Variants in PLA2G3 observed in about 807,000 individuals in gnomAD.
PLA2G3 encodes group 3 secretory phospholipase A2.
A neutral mutation model predicts 51.3 loss-of-function variants in PLA2G3; 39 were observed. The observed-to-expected ratio is 0.76, with a 90% confidence interval of 0.59 to 0.99. PLA2G3 has a LOEUF of 0.99. Among genes scored for constraint, PLA2G3 ranks in the 50% least tolerant of loss-of-function variants. The pLI is 0.00. For synonymous variants in PLA2G3, 293 were observed against 263.1 expected, an observed-to-expected ratio of 1.11 and a Z score of -1.10; for missense variants, 677 against 662.1, an observed-to-expected ratio of 1.02 and a Z score of -0.25.
rs1206521575 is a variant in PLA2G3 at position 31,138,767 on chromosome 22, C to T, written c.547G>A (p.Glu183Lys). ...ATGTTCTGTGGGCAGCGGTCATGTT[C>T]CCGGCAACAGAGATCAGGTCCCTGG... The part of the protein sequence containing the change: ...VFQGPDLCCR[E>K]HDRCPQNISP... The change falls in exon 2 of 7, where the codon GAA (glutamate) becomes AAA (lysine). Residue 183 changes from glutamate to lysine, a missense_variant. Glu to Lys is a moderately conservative substitution (Grantham distance 56). Coordinates refer to ENST00000215885, the MANE Select transcript of PLA2G3 (RefSeq NM_015715.5). 1 of 1,614,054 alleles carries T rather than the reference C, an allele frequency of 6.2e-7. No homozygotes were observed. The highest frequency in any genetic ancestry group is 8.5e-7 in the Non-Finnish European group (1 of 1,179,994).
In PLA2G3 at chr22:31,140,348, C is replaced by T. The variant is rs747309168; in HGVS notation, c.7G>A (p.Val3Ile). The change falls in exon 1 of 7, where the codon GTT (valine) becomes ATT (isoleucine). Residue 3 changes from valine to isoleucine, a missense_variant. Coordinates refer to ENST00000215885, the MANE Select transcript of PLA2G3 (RefSeq NM_015715.5). Reference sequence around the variant, plus strand: ...AGCATCCCAAACAGCCCTGCCTGAACCCCCATTCTGCACTGGCCCAGTCCA... The same window carrying T: ...AGCATCCCAAACAGCCCTGCCTGAATCCCCATTCTGCACTGGCCCAGTCCA... MG[V>I]QAGLFGMLGF... 3 of 1,594,636 alleles carry T rather than the reference C, an allele frequency of 1.9e-6. No individual in the cohort carries two copies. The highest frequency in any genetic ancestry group is 1.1e-5 in the South Asian group (1 of 89,212).
chr22:31,136,541 G>T, intron 6 of PLA2G3, 142 bp downstream of exon 6: 1 of 680,218 alleles, frequency 1.5e-6, no homozygotes. Context: ...GGCAGCAGGG[G>T]GTAGAGGGAT....
At chr22:31,136,623 G>T (rs200145614) in intron 6 of PLA2G3, 60 bp downstream of exon 6, 355 of 1,393,896 alleles carry the variant, frequency 2.5e-4, no homozygotes, top group East Asian at 1.3e-3. Flanking sequence ...TTCAAAGTGG[G>T]TATAGGCAAC....
Position 31,135,730 on chromosome 22 carries a change from C to T in PLA2G3, c.1523G>A (p.Ser508Asn), listed in dbSNP as rs1377371968. The T allele has an allele frequency of 1.2e-6, 2 of 1,613,040 alleles. No homozygotes were observed. Among genetic ancestry groups the T allele is most frequent in the Admixed American group, 1.7e-5 (1 of 60,030 alleles). Residue 508 changes from serine (S) to asparagine (N), a missense_variant, in exon 7 of 7, where the codon AGC becomes AAC. Transcript: ENST00000215885. ...GGAAAGCTGAAACTGAGGTCACTGGCTCCAGGACTTCTGCTGCCTGTCGGG... is the reference window on the plus strand; with the variant it reads ...GGAAAGCTGAAACTGAGGTCACTGGTTCCAGGACTTCTGCTGCCTGTCGGG... ...RRPDRQQKSW[S>N]Q
intron 1 of PLA2G3, among the ~76,000 whole-genome samples, chr22:31,139,607 T>C (rs916478042): frequency 6.6e-6 from 1 of 152,104 alleles, no homozygotes; most frequent in East Asian, 1.9e-4. Context: ...GTCCCTCGGA[T>C]GGCATTTAAT....
Position 31,135,650 on chromosome 22 carries a change from G to T in PLA2G3, c.*73C>A. ...GCTTCAGTCTAACCTACGGAGGGGA[G>T]GCTGAGATTCCCAAGGCTTGGCATA... On this transcript the variant is annotated 3_prime_UTR_variant, in exon 7 of 7. Coordinates refer to ENST00000215885, the MANE Select transcript of PLA2G3 (RefSeq NM_015715.5). 1 of 1,143,512 alleles carries T rather than the reference G, an allele frequency of 8.7e-7. No homozygotes were observed. Among genetic ancestry groups the T allele is most frequent in the Non-Finnish European group, 1.3e-6 (1 of 762,458 alleles). 70.8% of individuals were successfully genotyped at this position (1,143,512 alleles called of 1,614,324 possible).
At chr22:31,138,949 TC>T (rs1381916863) in intron 1 of PLA2G3, 150 bp from the exon 2 acceptor site, 1 of 681,716 alleles carries the variant, frequency 1.5e-6, no homozygotes, top group East Asian at 2.8e-5. Context: ...CCAGTCACTC[TC>T]CCTTCTGTGG....
At position 31,136,958 on chromosome 22, in the gene PLA2G3, C is replaced by G. The variant is rs780561467; in HGVS notation, c.1149G>C (p.Gln383His). 4 of 1,593,660 alleles carry G rather than the reference C, an allele frequency of 2.5e-6. No individual in the cohort carries two copies. Among genetic ancestry groups the G allele is most frequent in the Non-Finnish European group, 3.4e-6 (4 of 1,170,766 alleles). The change falls in exon 5 of 7, where the codon CAG (glutamine) becomes CAC (histidine). Residue 383 changes from glutamine to histidine, a missense_variant. By Grantham distance (24) the Gln-to-His change is conservative. Transcript: ENST00000215885. ...HQIGPREIEFQLLNSAQEPLF... is the reference protein window; with the variant it reads ...HQIGPREIEFHLLNSAQEPLF... The stretch of plus-strand genomic sequence containing the variant: ...GGGGCTCTTGGGCGCTGTTGAGCAG[C>G]TGGAACTCGATTTCCCGGGGCCCAA...
At chr22:31,137,540 C>T (rs1922646497) in intron 4 of PLA2G3, among the ~76,000 whole-genome samples, 170 bp downstream of exon 4, 1 of 152,112 alleles carries the variant, frequency 6.6e-6, no homozygotes, top group Admixed American at 6.6e-5. Flanking sequence ...CTGATGTGGT[C>T]AAATTCGTGG....
intron 4 of PLA2G3, among the ~76,000 whole-genome samples, 163 bp from the exon 5 acceptor site, chr22:31,137,203 G>A (rs1286720219): frequency 6.6e-6 from 1 of 152,204 alleles, no homozygotes; most frequent in Admixed American, 6.5e-5. Flanking sequence ...TGCCGCCCTT[G>A]TGGCAGTGCC....
At chr22:31,138,852 T>G (rs1025867850) in intron 1 of PLA2G3, 53 bp from the exon 2 acceptor site, 46 of 1,594,498 alleles carry the variant, frequency 2.9e-5, no homozygotes, top group Non-Finnish European at 3.8e-5. Context: ...CTAGGCATCA[T>G]GCACCAGCTA....
rs901886649 is a variant in PLA2G3, at chr22:31,137,095, A to G, written c.1067-55T>C. ...CCCAATCCACCAGGGAGGCCCCACC[A>G]ATGCCTGCGCCATCCGGGAGAAACA... is the stretch of plus-strand genomic sequence containing the variant. On this transcript the variant is annotated intron_variant, in intron 4 of 6. Coordinates refer to ENST00000215885, the MANE Select transcript of PLA2G3 (RefSeq NM_015715.5). The G allele has an allele frequency of 1.3e-5, 19 of 1,451,490 alleles. No individual in the cohort carries two copies. The African/African-American group carries it at 2.3e-4, about 18-fold the overall frequency. 89.9% of individuals were successfully genotyped at this position (1,451,490 alleles called of 1,614,324 possible). A position where few individuals can be genotyped will look rare whatever the true frequency, so the allele number is the denominator to read the frequency against.
chr22:31,138,884 G>T, intron 1 of PLA2G3, 85 bp from the exon 2 acceptor site: 1 of 1,399,910 alleles, frequency 7.1e-7, no homozygotes. Flanking sequence ...TAGGAAGAGG[G>T]CAGAGACCTG....
In PLA2G3 at chr22:31,137,908, G is replaced by A. The variant is rs1282190769; in HGVS notation, c.868C>T (p.Pro290Ser). 1 of 1,613,498 alleles carries A rather than the reference G, an allele frequency of 6.2e-7. No homozygotes were observed. Among genetic ancestry groups the A allele is most frequent in the Non-Finnish European group, 8.5e-7 (1 of 1,179,816 alleles). The change falls in exon 4 of 7, where the codon CCA (proline) becomes TCA (serine). Residue 290 changes from proline (P) to serine (S), a missense_variant. Physicochemically the swap from Pro to Ser is moderately conservative, Grantham distance 74. Transcript: ENST00000215885. The stretch of plus-strand genomic sequence containing the variant: ...GCTGGGCTCCGGGAGCTGGGAGTTG[G>A]GGAGGTGGCCCGGGAGCTCCAGGAG... ...NASWSSRATS[P>S]TPSSRSPAPP...
Position 31,138,281 on chromosome 22 carries a change from C to T in PLA2G3, c.777G>A (p.Trp259Ter). The change falls in exon 3 of 7, where the codon TGG becomes TGA. Residue 259 changes from tryptophan (W) to a stop codon, truncating the protein, a stop_gained. Coordinates refer to ENST00000215885, the MANE Select transcript of PLA2G3 (RefSeq NM_015715.5). LOFTEE classifies it high-confidence loss of function. ...ATGAGGGGGTGGCCACGTACCCGCC[C>T]CACCAGTACCACGCCACACACGCCT... ...EQEACVAWYW[W>*]GGCRMYGTVP... is the part of the protein sequence containing the mutation. 6.2e-7 allele frequency: 1 copy of T among 1,613,662 alleles called. No individual in the cohort carries two copies. Among genetic ancestry groups the T allele is most frequent in the Non-Finnish European group, 8.5e-7 (1 of 1,179,904 alleles).
intron 1 of PLA2G3, 84 bp downstream of exon 1, chr22:31,139,757 C>T (rs763764651): frequency 2.9e-5 from 27 of 919,450 alleles, no homozygotes; most frequent in Non-Finnish European, 4.1e-5. Context: ...CAGGGACACA[C>T]AGCCTAGGAG....
intron 4 of PLA2G3, among the ~76,000 whole-genome samples, chr22:31,137,455 A>G (rs955665718): frequency 5.3e-5 from 8 of 152,270 alleles, no homozygotes; most frequent in South Asian, 2.1e-4. Context: ...TGCAGGGCCA[A>G]GGCTTGAGGG....
intron 2 of PLA2G3, 44 bp downstream of exon 2, chr22:31,138,623 C>T: frequency 6.2e-7 from 1 of 1,611,562 alleles, no homozygotes. Flanking sequence ...CTGGGTAACT[C>T]TGCCCTGTCC....
Position 31,140,054 on chromosome 22 carries a change from C to G in PLA2G3, c.301G>C (p.Gly101Arg). 1 of 1,613,590 alleles carries G rather than the reference C, an allele frequency of 6.2e-7. No homozygotes were observed. Among genetic ancestry groups the G allele is most frequent in the Non-Finnish European group, 8.5e-7 (1 of 1,180,014 alleles). The stretch of plus-strand genomic sequence containing the variant: ...GCCAGTGCTCTCTGCAGCTCGGGTC[C>G]GGGGGTGTGGATGAAGGAGCCCCAG... ...TAWGSFIHTPGPELQRALATL... is the reference protein window; with the variant it reads ...TAWGSFIHTPRPELQRALATL... Residue 101 changes from glycine (G) to arginine (R), a missense_variant, in exon 1 of 7, where the codon GGA becomes CGA. By Grantham distance (125) the Gly-to-Arg change is moderately radical. Coordinates refer to ENST00000215885, the MANE Select transcript of PLA2G3 (RefSeq NM_015715.5).
Sources: allele counts gnomAD v4.1 joint callset (sites outside exome capture counted in the v4.1 genomes callset), GRCh38; gene constraint gnomAD v4.1.1; transcripts MANE v1.5; gene names NCBI Gene and HGNC (gene_info 2026-07-23, HGNC 2026-07-21).